KCNN2: variants seen among roughly 807,000 people sequenced by gnomAD.
The protein encoded by KCNN2 is potassium calcium-activated channel subfamily N member 2, also known as small conductance calcium-activated potassium channel protein 2.
In KCNN2, 24 loss-of-function variants were observed where a neutral mutation model predicts 55.5. That is an observed-to-expected ratio of 0.43 (90% CI 0.31 to 0.61). KCNN2 has a LOEUF of 0.61. KCNN2 is among the 20% of genes least tolerant of loss of function. The probability of loss-of-function intolerance (pLI) is 0.08; values close to 1 mark genes in which losing one functional copy is unlikely to be tolerated. For synonymous variants in KCNN2, 431 were observed against 336.1 expected (o/e 1.28, Z -3.09); for missense variants, 754 against 853.6 (o/e 0.88, Z 1.45).
At chr5:114,061,022 A>T (rs564354561) in intron 1 of KCNN2, among the ~76,000 whole-genome samples, 4 of 152,322 alleles carry the variant, frequency 2.6e-5, no homozygotes, top group African/African-American at 9.6e-5. Context: ...ACATTATGCT[A>T]CATAGTATTC....
intron 1 of KCNN2, among the ~76,000 whole-genome samples, chr5:114,194,937 T>C (rs574900210): frequency 6.7e-4 from 102 of 151,824 alleles, no homozygotes; most frequent in African/African-American, 2.4e-3. Context: ...GTGCCATCTG[T>C]TGAGAAGACT....
chr5:114,221,470 C>T (rs1330030976), intron 1 of KCNN2, among the ~76,000 whole-genome samples: 1 of 152,102 alleles, frequency 6.6e-6, no homozygotes, highest in African/African-American at 2.4e-5. Flanking sequence ...ATAGAATTTA[C>T]CTCTTACAGA....
chr5:114,349,544 T>A (rs945615322), intron 2 of KCNN2, among the ~76,000 whole-genome samples: 1 of 152,056 alleles, frequency 6.6e-6, no homozygotes, highest in African/African-American at 2.4e-5. Context: ...ATTAGGTATA[T>A]GAAAATATTC....
chr5:114,078,750 T>C (rs1750735833), intron 1 of KCNN2, among the ~76,000 whole-genome samples: 1 of 152,138 alleles, frequency 6.6e-6, no homozygotes, highest in Non-Finnish European at 1.5e-5. Context: ...TGTAGGTAGG[T>C]AGAAGGAGGC....
At chr5:114,367,728 C>T (rs1379001975) in intron 2 of KCNN2, among the ~76,000 whole-genome samples, 2 of 152,016 alleles carry the variant, frequency 1.3e-5, no homozygotes, top group African/African-American at 4.8e-5. Flanking sequence ...CGGAGTTCAA[C>T]TATCCTTTAA....
chr5:114,469,931 C>T (rs1322125760), intron 4 of KCNN2, among the ~76,000 whole-genome samples: 1 of 152,046 alleles, frequency 6.6e-6, no homozygotes. Context: ...TGTATTTGAA[C>T]AAAAAGGTTT....
intron 1 of KCNN2, among the ~76,000 whole-genome samples, chr5:114,067,761 T>A (rs1448178824): frequency 6.6e-6 from 1 of 152,216 alleles, no homozygotes; most frequent in Non-Finnish European, 1.5e-5. Flanking sequence ...ATACTGTCGA[T>A]AGAATTTGAT....
At chr5:114,128,993 C>CA (rs1375486573) in intron 1 of KCNN2, among the ~76,000 whole-genome samples, 3 of 152,106 alleles carry the variant, frequency 2.0e-5, no homozygotes, top group Non-Finnish European at 4.4e-5. Flanking sequence ...ATAGTACATT[C>CA]AAATTAGGAT....
chr5:114,131,718 A>G (rs1413662701), intron 1 of KCNN2, among the ~76,000 whole-genome samples: 2 of 152,190 alleles, frequency 1.3e-5, no homozygotes, highest in Admixed American at 6.5e-5. Flanking sequence ...GTCTTCTACA[A>G]TGGTTGAACT....
At chr5:114,493,499 A>G (rs1336914578) in intron 7 of KCNN2, 27 bp downstream of exon 7, 2 of 1,526,464 alleles carry the variant, frequency 1.3e-6, no homozygotes, top group Non-Finnish European at 1.8e-6. Flanking sequence ...TAGCCCTCCT[A>G]GTTGCATCTG....
rs549130704 is a variant in KCNN2 at position 114,130,813 on chromosome 5, A to G, written c.-271+74313A>G. Among the ~76,000 whole-genome samples the G allele has an allele frequency of 3.1e-3, 473 of 152,310 alleles. 4 individuals are homozygous for G. Among genetic ancestry groups the G allele is most frequent in the Middle Eastern group, 0.031 (9 of 294 alleles). On this transcript the variant is annotated intron_variant, in intron 1 of 10. Coordinates refer to the KCNN2 transcript ENST00000512097. ...CCTCAAAGCATGTATGTATACATCTATGTCAAACACTGTATGTCTATTGAT... is the reference window on the plus strand; with the variant it reads ...CCTCAAAGCATGTATGTATACATCTGTGTCAAACACTGTATGTCTATTGAT...
At chr5:114,470,420 A>ATATC (rs1176137897) in intron 4 of KCNN2, among the ~76,000 whole-genome samples, 6 of 152,194 alleles carry the variant, frequency 3.9e-5, no homozygotes, top group African/African-American at 1.4e-4. Context: ...ACCTAGGAGC[A>ATATC]TATCTACAAA....
chr5:114,313,989 A>G (rs1756452815), intron 2 of KCNN2, among the ~76,000 whole-genome samples: 1 of 152,034 alleles, frequency 6.6e-6, no homozygotes, highest in South Asian at 2.1e-4. Flanking sequence ...ATCAACTTCG[A>G]TGAACGTTTC....
At chr5:114,168,764 T>A (rs549608930) in intron 1 of KCNN2, among the ~76,000 whole-genome samples, 20 of 152,234 alleles carry the variant, frequency 1.3e-4, no homozygotes, top group Non-Finnish European at 2.4e-4. Flanking sequence ...ATCTTAATTA[T>A]TAATGATATA....
At chr5:114,060,874 A>G (rs953979489) in intron 1 of KCNN2, among the ~76,000 whole-genome samples, 2 of 152,206 alleles carry the variant, frequency 1.3e-5, no homozygotes, top group Non-Finnish European at 2.9e-5. Flanking sequence ...TTGTTGACCA[A>G]CTTCAAGTAA....
chr5:114,083,269 A>C (rs1321537901), intron 1 of KCNN2, among the ~76,000 whole-genome samples: 2 of 151,486 alleles, frequency 1.3e-5, no homozygotes, highest in Non-Finnish European at 2.9e-5. Flanking sequence ...TTGTATCTTT[A>C]TTATACCTCC....
chr5:114,104,907 G>A (rs1751450090), intron 1 of KCNN2, among the ~76,000 whole-genome samples: 1 of 151,968 alleles, frequency 6.6e-6, no homozygotes, highest in Non-Finnish European at 1.5e-5. Context: ...TTGTGCTCAG[G>A]GAGTAGAAAT....
chr5:114,072,022 G>T (rs187314088), intron 1 of KCNN2, among the ~76,000 whole-genome samples: 7 of 152,324 alleles, frequency 4.6e-5, no homozygotes, highest in African/African-American at 1.7e-4. Context: ...GCTGGGCGTG[G>T]TGCCTCATGC....
chr5:114,320,431 G>A (rs1272115929), intron 2 of KCNN2, among the ~76,000 whole-genome samples: 4 of 152,060 alleles, frequency 2.6e-5, no homozygotes, highest in Non-Finnish European at 5.9e-5. Context: ...GGCTAACATG[G>A]TGAAACACCG....
Sources: allele counts gnomAD v4.1 joint callset (sites outside exome capture counted in the v4.1 genomes callset), GRCh38; gene constraint gnomAD v4.1.1; transcripts MANE v1.5; gene names NCBI Gene and HGNC (gene_info 2026-07-23, HGNC 2026-07-21).